The following PTK2B variants were observed in gnomAD, a reference collection of about 807,000 sequenced individuals.
PTK2B encodes the protein protein tyrosine kinase 2 beta.
A neutral mutation model predicts 142.9 loss-of-function variants in PTK2B; 71 were observed. The ratio of observed to expected loss-of-function variants is 0.50; its 90% CI spans 0.41 to 0.61. PTK2B has a LOEUF of 0.61. Ranked by LOEUF, PTK2B falls within the 20% of genes least tolerant of loss-of-function variation. The pLI is 0.00. For synonymous variants in PTK2B, 519 were observed against 503.4 expected, an observed-to-expected ratio of 1.03 and a Z score of -0.42; for missense variants, 1,105 against 1,320.4, an observed-to-expected ratio of 0.84 and a Z score of 2.53.
At chr8:27,396,000 C>A (rs1449246231) in intron 1 of PTK2B, 1 of 151,996 alleles carries the variant, frequency 6.6e-6, no homozygotes, top group East Asian at 1.9e-4. Context: ...ATATATATAT[C>A]TTTTAGATAA....
chr8:27,430,016 G>C, intron 5 of PTK2B, 77 bp from the exon 6 acceptor site: 2 of 1,334,404 alleles, frequency 1.5e-6, no homozygotes, highest in Non-Finnish European at 2.2e-6. Context: ...GGGGGCTTCT[G>C]GTGGCATGAG....
At chr8:27,319,728 C>T (rs1401497739) in intron 3 of PTK2B, among the ~76,000 whole-genome samples, 2 of 151,440 alleles carry the variant, frequency 1.3e-5, no homozygotes, top group Admixed American at 1.3e-4. Flanking sequence ...CAAGGAAATG[C>T]ACATGTACTT....
At chr8:27,454,683 A>G in intron 30 of PTK2B, 72 bp downstream of exon 30, 1 of 1,518,770 alleles carries the variant, frequency 6.6e-7, no homozygotes, top group Non-Finnish European at 9.1e-7. Context: ...TTAGAGGCTC[A>G]TGATGGCTGC....
At chr8:27,397,905 G>A (rs1808162933) in intron 2 of PTK2B, 117 bp downstream of exon 2, 4 of 1,256,500 alleles carry the variant, frequency 3.2e-6, no homozygotes, top group African/African-American at 3.0e-5. Context: ...GGTGGAAGAG[G>A]TGAGGTGGCA....
chr8:27,437,078 G>A (rs1810823924), intron 15 of PTK2B, 44 bp from the exon 16 acceptor site: 1 of 1,572,802 alleles, frequency 6.4e-7, no homozygotes, highest in Non-Finnish European at 8.8e-7. Context: ...ATTCTGCTGA[G>A]CACTGGGCTG....
chr8:27,450,659 C>T (rs1811745352), intron 24 of PTK2B, 90 bp from the exon 25 acceptor site: 2 of 1,508,504 alleles, frequency 1.3e-6, no homozygotes, highest in Non-Finnish European at 1.8e-6. Context: ...AGGCTTGCAG[C>T]TGCCATGAGG....
intron 3 of PTK2B, among the ~76,000 whole-genome samples, chr8:27,318,080 C>A (rs1483559136): frequency 1.3e-5 from 2 of 152,056 alleles, no homozygotes; most frequent in African/African-American, 4.8e-5. Context: ...CTCTACTGTG[C>A]TGGCTAATAA....
intron 28 of PTK2B, 144 bp from the exon 29 acceptor site, chr8:27,454,010 G>C: frequency 8.4e-7 from 1 of 1,192,456 alleles, no homozygotes; most frequent in Non-Finnish European, 1.2e-6. Flanking sequence ...AATGCACCCC[G>C]GGACAGGGCA....
chr8:27,395,364 G>A (rs11994437), intron 1 of PTK2B, among the ~76,000 whole-genome samples: 56,031 of 152,008 alleles, frequency 0.37, 11,168 homozygotes, highest in Middle Eastern at 0.5. Flanking sequence ...TCTTATATGC[G>A]GTCCACCATT....
chr8:27,403,534 C>T (rs906778719), intron 2 of PTK2B, among the ~76,000 whole-genome samples: 3 of 152,152 alleles, frequency 2.0e-5, no homozygotes, highest in Non-Finnish European at 4.4e-5. Context: ...TGATTTTGCT[C>T]TTCTGGATTT....
intron 1 of PTK2B, among the ~76,000 whole-genome samples, chr8:27,356,503 G>A (rs763169946): frequency 6.6e-6 from 1 of 152,000 alleles, no homozygotes; most frequent in East Asian, 1.9e-4. Context: ...CACTGCTCAC[G>A]AGGAATTCTG....
chr8:27,337,253 A>G (rs1804129474), intron 1 of PTK2B, among the ~76,000 whole-genome samples: 2 of 152,038 alleles, frequency 1.3e-5, no homozygotes. Context: ...CTCCTGCCTC[A>G]GCCTCCCAAG....
At chr8:27,348,216 C>G (rs188952338) in intron 1 of PTK2B, among the ~76,000 whole-genome samples, 3 of 152,348 alleles carry the variant, frequency 2.0e-5, no homozygotes, top group Admixed American at 2.0e-4. Flanking sequence ...CTCTGAGATA[C>G]TCTTCTTGGG....
At chr8:27,331,357 G>A (rs1277473032) in intron 1 of PTK2B, among the ~76,000 whole-genome samples, 2 of 152,324 alleles carry the variant, frequency 1.3e-5, no homozygotes, top group African/African-American at 4.8e-5. Context: ...TCTGACCTGA[G>A]TTTGGGTTTT....
At chr8:27,362,874 A>C (rs1327135779) in intron 1 of PTK2B, among the ~76,000 whole-genome samples, 2 of 152,186 alleles carry the variant, frequency 1.3e-5, no homozygotes, top group African/African-American at 2.4e-5. Context: ...GAAATCTAGA[A>C]CCACTCCCAT....
chr8:27,403,644 A>G (rs1448452409), intron 2 of PTK2B, among the ~76,000 whole-genome samples: 1 of 152,104 alleles, frequency 6.6e-6, no homozygotes, highest in Non-Finnish European at 1.5e-5. Flanking sequence ...ATTTTTCTCT[A>G]CAGTGCTAAT....
intron 4 of PTK2B, among the ~76,000 whole-genome samples, 178 bp downstream of exon 4, chr8:27,420,922 C>G (rs746723923): frequency 2.0e-5 from 3 of 152,192 alleles, no homozygotes; most frequent in African/African-American, 4.8e-5. Flanking sequence ...CCCTGCTTTT[C>G]TCTCAGTATT....
intron 1 of PTK2B, among the ~76,000 whole-genome samples, chr8:27,382,556 G>GA (rs1554492407): frequency 4.8e-5 from 7 of 146,608 alleles, no homozygotes; most frequent in Non-Finnish European, 3.0e-5. Context: ...TGCTGTCTCT[G>GA]TTTTTTTTTT....
At chr8:27,385,571 G>A (rs542170018) in intron 1 of PTK2B, among the ~76,000 whole-genome samples, 2 of 152,106 alleles carry the variant, frequency 1.3e-5, no homozygotes, top group Non-Finnish European at 2.9e-5. Context: ...GCCCCTCTCT[G>A]TGGGCCATGT....
Sources: gnomAD v4.1 joint callset for allele counts (sites outside exome capture counted in the v4.1 genomes callset) on GRCh38, gnomAD v4.1.1 for gene constraint, MANE v1.5 for transcripts, NCBI Gene and HGNC (gene_info 2026-07-23, HGNC 2026-07-21) for gene names.